MCCC1: variants seen among roughly 807,000 people sequenced by gnomAD.
MCCC1 encodes the protein methylcrotonoyl-CoA carboxylase subunit alpha, mitochondrial.
MCCC1 carries 64 observed loss-of-function variants against 83.8 expected under a neutral mutation model. The ratio of observed to expected loss-of-function variants is 0.76; its 90% CI spans 0.62 to 0.94. The LOEUF is 0.94. MCCC1 is among the 40% of genes least tolerant of loss of function. The pLI is 0.00. For synonymous variants in MCCC1, 322 were observed against 315.4 expected (o/e 1.02, Z -0.22); for missense variants, 807 against 904.7 (o/e 0.89, Z 1.39).
chr3:183,071,125 G>A lies in MCCC1; in HGVS notation c.640-5C>T. 1 of 1,614,134 alleles carries A rather than the reference G, an allele frequency of 6.2e-7. No individual in the cohort carries two copies. The highest frequency in any genetic ancestry group is 1.7e-4 in the Middle Eastern group (1 of 6,060). ...TGATCTAACAATCCTCATTCCCTAA[G>A]AGAGAAAAGATGATTATGACTACAA... On this transcript the variant is annotated splice_polypyrimidine_tract_variant and splice_region_variant and intron_variant, in intron 6 of 18. Transcript: ENST00000265594.
intron 3 of MCCC1, 154 bp downstream of exon 3, chr3:183,092,255 A>C: frequency 1.2e-6 from 1 of 862,364 alleles, no homozygotes. Flanking sequence ...GTTATATCTG[A>C]AAAATGTTCC....
chr3:183,087,354 C>T (rs776630109), intron 3 of MCCC1, among the ~76,000 whole-genome samples: 8 of 152,192 alleles, frequency 5.3e-5, no homozygotes, highest in South Asian at 4.1e-4. Context: ...AGGCCTACTA[C>T]GTGCCACACT....
chr3:183,033,648 C>CA (rs879528579), intron 14 of MCCC1, among the ~76,000 whole-genome samples: 6 of 145,328 alleles, frequency 4.1e-5, no homozygotes, highest in South Asian at 2.2e-4. Context: ...AATTGCAAAG[C>CA]AAAAAAAAAA....
intron 3 of MCCC1, among the ~76,000 whole-genome samples, chr3:183,091,724 C>T (rs900791853): frequency 6.6e-6 from 1 of 151,768 alleles, no homozygotes; most frequent in South Asian, 2.1e-4. Flanking sequence ...GATCACTCAG[C>T]CAGTAAGTAG....
chr3:183,113,672 C>T (rs1014635711), intron 1 of MCCC1, among the ~76,000 whole-genome samples: 1 of 150,906 alleles, frequency 6.6e-6, no homozygotes, highest in Admixed American at 6.6e-5. Flanking sequence ...CGCTGTGGTC[C>T]AACCTGGGTG....
chr3:183,084,629 G>T (rs1577349160), intron 4 of MCCC1, among the ~76,000 whole-genome samples: 1 of 152,152 alleles, frequency 6.6e-6, no homozygotes, highest in Non-Finnish European at 1.5e-5. Flanking sequence ...CACTAATTTA[G>T]TTAAGGACTT....
chr3:183,061,007 C>A (rs1300797879), intron 7 of MCCC1, among the ~76,000 whole-genome samples: 4 of 152,172 alleles, frequency 2.6e-5, no homozygotes, highest in African/African-American at 9.7e-5. Flanking sequence ...CCTGCGCTCA[C>A]TGAAGCCAAT....
intron 17 of MCCC1, among the ~76,000 whole-genome samples, 176 bp downstream of exon 17, chr3:183,019,954 T>C (rs1395754846): frequency 6.6e-6 from 1 of 152,238 alleles, no homozygotes; most frequent in African/African-American, 2.4e-5. Flanking sequence ...TAAATGGGTA[T>C]TTTCAGTGAG....
chr3:183,031,537 G>A (rs1349295813), intron 14 of MCCC1, among the ~76,000 whole-genome samples: 7 of 117,724 alleles, frequency 5.9e-5, no homozygotes, highest in African/African-American at 9.9e-5. Flanking sequence ...CCGCTCTGTC[G>A]CCCAGGCTGG....
At chr3:183,043,623 T>C (rs1200476619) in intron 10 of MCCC1, among the ~76,000 whole-genome samples, 1 of 152,198 alleles carries the variant, frequency 6.6e-6, no homozygotes, top group Admixed American at 6.5e-5. Flanking sequence ...TTGTTTTACC[T>C]CTGTTTGAAG....
At chr3:183,041,972 T>C (rs1714128624) in intron 10 of MCCC1, among the ~76,000 whole-genome samples, 2 of 151,980 alleles carry the variant, frequency 1.3e-5, no homozygotes, top group Non-Finnish European at 2.9e-5. Flanking sequence ...GGTATCGGAG[T>C]TTTTAAATGG....
At chr3:183,070,199 T>G (rs1716557120) in intron 7 of MCCC1, among the ~76,000 whole-genome samples, 1 of 151,890 alleles carries the variant, frequency 6.6e-6, no homozygotes, top group Non-Finnish European at 1.5e-5. Context: ...GTAATTCAAT[T>G]TAGAAAATTA....
At chr3:183,103,638 A>T (rs1317919713), upstream of MCCC1, among the ~76,000 whole-genome samples, 1 of 152,152 alleles carries the variant, frequency 6.6e-6, no homozygotes, top group African/African-American at 2.4e-5. Context: ...GCTAGACGTA[A>T]AGGTTCTCCA....
chr3:183,103,746 G>A (rs887160572), upstream of MCCC1, among the ~76,000 whole-genome samples: 3 of 152,222 alleles, frequency 2.0e-5, no homozygotes, highest in South Asian at 2.1e-4. Flanking sequence ...CCGTGCGCCC[G>A]CACTCCTCAG....
chr3:183,099,468 T>G lies in MCCC1; in HGVS notation c.-28A>C. ...CCCTGGAGCCCGGCCACTCCGTGACTCCCCAGTACAGAGGCAGCTGCGTCC... is the reference window on the plus strand; with the variant it reads ...CCCTGGAGCCCGGCCACTCCGTGACGCCCCAGTACAGAGGCAGCTGCGTCC... On this transcript the variant is annotated 5_prime_UTR_variant, in exon 1 of 19. Coordinates refer to ENST00000265594, the MANE Select transcript of MCCC1 (RefSeq NM_020166.5). 1 of 1,588,440 alleles carries G rather than the reference T, an allele frequency of 6.3e-7. No individual in the cohort carries two copies.
intron 14 of MCCC1, among the ~76,000 whole-genome samples, chr3:183,028,363 C>T (rs1560209764): frequency 6.6e-6 from 1 of 152,180 alleles, no homozygotes; most frequent in African/African-American, 2.4e-5. Flanking sequence ...CTGATGGAGA[C>T]ATACAAGGAG....
chr3:183,059,182 C>T (rs1715646714), intron 7 of MCCC1, among the ~76,000 whole-genome samples: 1 of 152,142 alleles, frequency 6.6e-6, no homozygotes, highest in Non-Finnish European at 1.5e-5. Context: ...TGGCACACAC[C>T]TGTAATCCCA....
chr3:183,080,458 TC>T (rs1480247997), intron 4 of MCCC1, among the ~76,000 whole-genome samples: 1 of 151,976 alleles, frequency 6.6e-6, no homozygotes, highest in Non-Finnish European at 1.5e-5. Flanking sequence ...CCAACAAGTT[TC>T]TCATCTCCAT....
intron 4 of MCCC1, among the ~76,000 whole-genome samples, chr3:183,083,150 T>C (rs1717635834): frequency 6.6e-6 from 1 of 152,230 alleles, no homozygotes; most frequent in Non-Finnish European, 1.5e-5. Context: ...TCTAGACTTT[T>C]AGAAAACTTC....
Sources: allele counts gnomAD v4.1 joint callset (sites outside exome capture counted in the v4.1 genomes callset), GRCh38; gene constraint gnomAD v4.1.1; transcripts MANE v1.5; gene names NCBI Gene and HGNC (gene_info 2026-07-23, HGNC 2026-07-21).